The following CREB5 variants were observed in gnomAD, a reference collection of about 807,000 sequenced individuals.
CREB5 encodes the protein cAMP responsive element binding protein 5.
A neutral mutation model predicts 57.1 loss-of-function variants in CREB5; 19 were observed. The observed-to-expected ratio is 0.33, with a 90% CI of 0.23 to 0.49. CREB5 has a LOEUF of 0.49. Ranked by LOEUF, CREB5 falls within the 20% of genes least tolerant of loss-of-function variation. The pLI is 0.99. For synonymous variants in CREB5, 238 were observed against 238.3 expected, an observed-to-expected ratio of 1.00 and a Z score of 0.01; for missense variants, 579 against 671.6, an observed-to-expected ratio of 0.86 and a Z score of 1.52.
At chr7:28,467,553 G>A (rs1041962841) in intron 1 of CREB5, among the ~76,000 whole-genome samples, 15 of 152,198 alleles carry the variant, frequency 9.9e-5, no homozygotes, top group African/African-American at 3.4e-4. Context: ...CCCTGCTGAG[G>A]ATTTTTGAAA....
At chr7:28,614,225 T>A (rs1797513962) in intron 5 of CREB5, among the ~76,000 whole-genome samples, 1 of 152,172 alleles carries the variant, frequency 6.6e-6, no homozygotes, top group Non-Finnish European at 1.5e-5. Flanking sequence ...CCCTGAAGTG[T>A]TGGGATTACA....
At chr7:28,450,630 A>G (rs1427929699) in intron 1 of CREB5, among the ~76,000 whole-genome samples, 1 of 152,132 alleles carries the variant, frequency 6.6e-6, no homozygotes, top group Non-Finnish European at 1.5e-5. Context: ...TGGATCCTCC[A>G]CCTGTCACAA....
In CREB5 at chr7:28,596,160, A is replaced by T. The variant is rs1261068468; in HGVS notation, c.464+25623A>T. Among the ~76,000 whole-genome samples the T allele has an allele frequency of 3.9e-5, 6 of 152,304 alleles. No homozygotes were observed. In the East Asian group the frequency reaches 9.7e-4, roughly 25 times the overall value. ...ATTTTTATGAGATTTTGGGATGTGAAGCAGCTCTGTAGAATGAGATAAGTG... is the reference window on the plus strand; with the variant it reads ...ATTTTTATGAGATTTTGGGATGTGATGCAGCTCTGTAGAATGAGATAAGTG... On this transcript the variant is annotated intron_variant, in intron 5 of 10. Transcript: ENST00000357727.
At chr7:28,471,225 A>C (rs1196151477) in intron 1 of CREB5, among the ~76,000 whole-genome samples, 1 of 152,118 alleles carries the variant, frequency 6.6e-6, no homozygotes, top group Non-Finnish European at 1.5e-5. Flanking sequence ...TTAAATCTTT[A>C]ATCCATTTTG....
At chr7:28,781,185 A>G (rs146686405) in intron 7 of CREB5, among the ~76,000 whole-genome samples, 29 of 152,304 alleles carry the variant, frequency 1.9e-4, no homozygotes, top group African/African-American at 6.7e-4. Context: ...TAATGAATGA[A>G]GCCATTTGGA....
intron 7 of CREB5, among the ~76,000 whole-genome samples, chr7:28,795,916 G>A (rs775438315): frequency 1.3e-5 from 2 of 151,820 alleles, no homozygotes; most frequent in Non-Finnish European, 2.9e-5. Flanking sequence ...ACCACATTCC[G>A]CTAATTTTTA....
At chr7:28,596,085 A>G (rs1048811868) in intron 5 of CREB5, among the ~76,000 whole-genome samples, 2 of 152,214 alleles carry the variant, frequency 1.3e-5, no homozygotes, top group African/African-American at 4.8e-5. Flanking sequence ...CTTCTCCCCA[A>G]GAGGCCACCT....
Position 28,818,053 on chromosome 7 carries a change from A to T in CREB5, c.1255-18A>T. ...CCTCTGGTCTTCTCAACATGGTTTT[A>T]ATACATATCTCTTTTAGAATGAAGT... On this transcript the variant is annotated intron_variant, in intron 9 of 10. Transcript: ENST00000357727. 1.2e-6 allele frequency: 2 copies of T among 1,600,210 alleles called. No homozygotes were observed. The highest frequency in any genetic ancestry group is 1.7e-6 in the Non-Finnish European group (2 of 1,169,484).
chr7:28,808,091 T>A (rs1305485348), intron 8 of CREB5, among the ~76,000 whole-genome samples: 1 of 152,184 alleles, frequency 6.6e-6, no homozygotes, highest in Non-Finnish European at 1.5e-5. Flanking sequence ...CACAAGCAAC[T>A]CTCACTATCT....
chr7:28,435,335 A>T (rs867530719), intron 1 of CREB5, among the ~76,000 whole-genome samples: 1 of 147,272 alleles, frequency 6.8e-6, no homozygotes, highest in African/African-American at 2.5e-5. Flanking sequence ...TTATATCCAG[A>T]TGTGTGATTG....
Position 28,818,081 on chromosome 7 carries a change from C to T in CREB5, c.1265C>T (p.Ser422Phe). The change falls in exon 10 of 11, where the codon TCT (serine) becomes TTT (phenylalanine). Residue 422 changes from serine (S) to phenylalanine (F), a missense_variant. Coordinates refer to ENST00000357727, the MANE Select transcript of CREB5 (RefSeq NM_182898.4). The part of the protein sequence containing the change: ...QTNMQLQNEV[S>F]MLKNEVAQLK... The stretch of plus-strand genomic sequence containing the variant: ...ACATATCTCTTTTAGAATGAAGTGT[C>T]TATGTTGAAAAATGAGGTGGCCCAG... 1 of 1,613,110 alleles carries T rather than the reference C, an allele frequency of 6.2e-7. No homozygotes were observed. The highest frequency in any genetic ancestry group is 8.5e-7 in the Non-Finnish European group (1 of 1,179,352).
intron 7 of CREB5, among the ~76,000 whole-genome samples, chr7:28,764,042 A>G (rs919590712): frequency 6.6e-6 from 1 of 152,086 alleles, no homozygotes; most frequent in Non-Finnish European, 1.5e-5. Flanking sequence ...GCCTCAAGCA[A>G]TCCTCATGTT....
intron 5 of CREB5, among the ~76,000 whole-genome samples, chr7:28,642,279 G>T (rs1024746405): frequency 6.6e-6 from 1 of 152,144 alleles, no homozygotes; most frequent in African/African-American, 2.4e-5. Flanking sequence ...GCAATGCAAA[G>T]AATTTTTGCC....
intron 1 of CREB5, among the ~76,000 whole-genome samples, chr7:28,302,582 AG>A (rs1245569111): frequency 6.6e-6 from 1 of 152,152 alleles, no homozygotes; most frequent in African/African-American, 2.4e-5. Context: ...AAAGCCAAAA[AG>A]TTTTCATGCC....
intron 5 of CREB5, among the ~76,000 whole-genome samples, chr7:28,666,261 A>C (rs1250339165): frequency 6.6e-6 from 1 of 152,076 alleles, no homozygotes; most frequent in East Asian, 1.9e-4. Context: ...TTCTGTGCCC[A>C]CCCCTTATAA....
intron 5 of CREB5, among the ~76,000 whole-genome samples, chr7:28,688,910 C>T (rs1335548720): frequency 2.0e-5 from 3 of 152,022 alleles, no homozygotes; most frequent in Admixed American, 2.0e-4. Flanking sequence ...GAATTGTTCA[C>T]TCATATTCAG....
intron 4 of CREB5, among the ~76,000 whole-genome samples, chr7:28,520,799 G>C (rs922302102): frequency 2.6e-5 from 4 of 152,230 alleles, no homozygotes; most frequent in Admixed American, 6.5e-5. Flanking sequence ...TGGGTAATAA[G>C]ATACTGCAGA....
At chr7:28,687,116 A>G (rs980184158) in intron 5 of CREB5, among the ~76,000 whole-genome samples, 1 of 152,180 alleles carries the variant, frequency 6.6e-6, no homozygotes, top group South Asian at 2.1e-4. Context: ...AAAGTAATAG[A>G]TGATGATCCT....
At chr7:28,466,276 G>A (rs1228635557) in intron 1 of CREB5, among the ~76,000 whole-genome samples, 2 of 150,964 alleles carry the variant, frequency 1.3e-5, no homozygotes, top group Non-Finnish European at 2.9e-5. Flanking sequence ...ATAAAAATCG[G>A]GAATGATAAT....
Sources: allele counts gnomAD v4.1 joint callset (sites outside exome capture counted in the v4.1 genomes callset), GRCh38; gene constraint gnomAD v4.1.1; transcripts MANE v1.5; gene names NCBI Gene and HGNC (gene_info 2026-07-23, HGNC 2026-07-21).